MSN: variants seen among roughly 807,000 people sequenced by gnomAD.
The protein encoded by MSN is moesin, also known as epididymis luminal protein 70.
MSN carries 2 observed loss-of-function variants against 48.0 expected under a neutral mutation model. The ratio of observed to expected loss-of-function variants is 0.04; its 90% CI spans 0.02 to 0.13. The LOEUF is 0.13. Ranked by LOEUF, MSN falls within the 10% of genes least tolerant of loss-of-function variation. MSN has a pLI of 1.00. For synonymous variants in MSN, 146 were observed against 166.9 expected, an observed-to-expected ratio of 0.87 and a Z score of 0.97; for missense variants, 267 against 470.1, an observed-to-expected ratio of 0.57 and a Z score of 3.99.
intron 1 of MSN, among the ~76,000 whole-genome samples, chrX:65,615,422 T>C (rs1489239254): frequency 2.7e-5 from 3 of 110,390 alleles, no homozygotes; most frequent in Non-Finnish European, 5.7e-5. Context: ...TGGTATCTCA[T>C]TGTGGTTTTG....
chrX:65,731,712 CT>C, intron 5 of MSN, 125 bp from the exon 6 acceptor site: 1 of 778,467 alleles, frequency 1.3e-6, no homozygotes, highest in South Asian at 2.9e-5. Context: ...ATCTGCTTGC[CT>C]TTTGTCCCCT....
At chrX:65,692,208 C>T (rs1486299311) in intron 1 of MSN, among the ~76,000 whole-genome samples, 2 of 112,550 alleles carry the variant, frequency 1.8e-5, no homozygotes, top group African/African-American at 3.2e-5. Context: ...GCCTGTTGCT[C>T]TCTAAGGTCA....
chrX:65,621,731 T>A (rs1030221187), intron 1 of MSN, among the ~76,000 whole-genome samples: 1 of 112,421 alleles, frequency 8.9e-6, no homozygotes, highest in Non-Finnish European at 1.9e-5. Context: ...TATTGTGTTT[T>A]AAAAAAATAT....
intron 5 of MSN, 58 bp downstream of exon 5, chrX:65,731,248 G>A (rs898184521): frequency 7.3e-6 from 7 of 958,345 alleles, no homozygotes; most frequent in South Asian, 4.3e-5. Context: ...ATGAGAATGC[G>A]TTCTAGGGAG....
At chrX:65,651,414 A>T in intron 1 of MSN, among the ~76,000 whole-genome samples, 1 of 109,359 alleles carries the variant, frequency 9.1e-6, no homozygotes, top group Non-Finnish European at 1.9e-5. Flanking sequence ...GGAGGTAGAT[A>T]TTAAACAAGT....
chrX:65,662,746 G>A (rs927784444), upstream of MSN, among the ~76,000 whole-genome samples: 12 of 111,981 alleles, frequency 1.1e-4, no homozygotes, highest in Middle Eastern at 4.2e-3. Context: ...TTTTGTCTAC[G>A]TCTCAAAAAG....
rs956222310 is a variant in MSN, at chrX:65,672,628, G to T, written c.12+4775G>T. ...GAAATGGAAAGCATCACTGAACTGA[G>T]AATTTTTCTTCTCTTTCCATATAAG... On this transcript the variant is annotated intron_variant, in intron 1 of 12. Transcript: ENST00000360270. Among the ~76,000 whole-genome samples, 10 of 111,781 alleles carry T rather than the reference G, an allele frequency of 8.9e-5. No homozygotes were observed. The East Asian group carries it at 1.7e-3, about 19-fold the overall frequency.
At chrX:65,611,386 T>A (rs1004857560) in intron 1 of MSN, among the ~76,000 whole-genome samples, 44 of 110,894 alleles carry the variant, frequency 4.0e-4, no homozygotes, top group African/African-American at 1.3e-3. Flanking sequence ...TCTCAAACTT[T>A]TGACCTCAGG....
chrX:65,694,604 C>A (rs2071212111), intron 1 of MSN, among the ~76,000 whole-genome samples: 1 of 110,898 alleles, frequency 9.0e-6, no homozygotes, highest in African/African-American at 3.3e-5. Flanking sequence ...GCTGGGATTA[C>A]AGGCGTGAGC....
At chrX:65,732,802 A>C (rs983529185) in intron 6 of MSN, among the ~76,000 whole-genome samples, 1 of 112,452 alleles carries the variant, frequency 8.9e-6, no homozygotes, top group African/African-American at 3.2e-5. Flanking sequence ...ACTTGAGACA[A>C]GGAATCATAT....
At chrX:65,663,811 C>G (rs1307089426), upstream of MSN, among the ~76,000 whole-genome samples, 1 of 110,680 alleles carries the variant, frequency 9.0e-6, no homozygotes, top group Non-Finnish European at 1.9e-5. Flanking sequence ...ATAATCCCAG[C>G]ACTTTGGGAG....
chrX:65,684,200 C>T (rs1478705622), intron 1 of MSN, among the ~76,000 whole-genome samples: 1 of 111,253 alleles, frequency 9.0e-6, no homozygotes, highest in Non-Finnish European at 1.9e-5. Context: ...CCTCGGCCTC[C>T]CAAAGTGCGG....
chrX:65,658,345 C>A (rs754305590), intron 1 of MSN, among the ~76,000 whole-genome samples: 69 of 111,512 alleles, frequency 6.2e-4, no homozygotes, highest in Non-Finnish European at 1.1e-3. Flanking sequence ...GTGTGGGGCC[C>A]CAAGCTGATA....
intron 1 of MSN, among the ~76,000 whole-genome samples, chrX:65,648,894 AAAAT>A (rs748589007): frequency 9.2e-6 from 1 of 108,825 alleles, no homozygotes; most frequent in African/African-American, 3.3e-5. Context: ...TAAAATAAAT[AAAAT>A]AAATAAAATA....
At chrX:65,615,102 C>T (rs2070357073) in intron 1 of MSN, among the ~76,000 whole-genome samples, 1 of 108,260 alleles carries the variant, frequency 9.2e-6, no homozygotes, top group Admixed American at 1.0e-4. Flanking sequence ...TCCAGTCTAT[C>T]ATTGTTGGAC....
At chrX:65,673,946 G>A (rs954445354) in intron 1 of MSN, among the ~76,000 whole-genome samples, 5 of 111,570 alleles carry the variant, frequency 4.5e-5, no homozygotes, top group African/African-American at 1.3e-4. Context: ...GAGGTGCTCA[G>A]TGTCTTCTCC....
intron 1 of MSN, among the ~76,000 whole-genome samples, chrX:65,590,807 G>C (rs919564283): frequency 2.7e-5 from 3 of 110,885 alleles, no homozygotes; most frequent in Non-Finnish European, 5.7e-5. Flanking sequence ...GATGGGGGGT[G>C]GGGGAAAACC....
chrX:65,625,665 T>C (rs1265534811), intron 1 of MSN: 1 of 111,887 alleles, frequency 8.9e-6, no homozygotes, highest in Non-Finnish European at 1.9e-5. Flanking sequence ...GAATATAAAG[T>C]GAGACTGTTG....
At chrX:65,677,603 G>GA (rs1300234241) in intron 1 of MSN, among the ~76,000 whole-genome samples, 2 of 109,794 alleles carry the variant, frequency 1.8e-5, no homozygotes, top group Admixed American at 9.7e-5. Flanking sequence ...ACTAAAAATA[G>GA]AAAAAATAGC....
Sources: gnomAD v4.1 joint callset for allele counts (sites outside exome capture counted in the v4.1 genomes callset) on GRCh38, gnomAD v4.1.1 for gene constraint, MANE v1.5 for transcripts, NCBI Gene and HGNC (gene_info 2026-07-23, HGNC 2026-07-21) for gene names.